ACVR1C: variants seen among roughly 807,000 people sequenced by gnomAD.
The protein encoded by ACVR1C is activin A receptor type 1C.
ACVR1C carries 23 observed loss-of-function variants against 57.9 expected under a neutral mutation model. The observed-to-expected ratio is 0.40, with a 90% CI of 0.29 to 0.56. ACVR1C has a LOEUF of 0.56. Ranked by LOEUF, ACVR1C falls within the 20% of genes least tolerant of loss-of-function variation. The probability of loss-of-function intolerance (pLI) is 0.50; values close to 1 mark genes in which losing one functional copy is unlikely to be tolerated. For missense variants in ACVR1C, 480 were observed against 607.9 expected, an observed-to-expected ratio of 0.79 and a Z score of 2.21; for synonymous variants, 214 against 215.3, an observed-to-expected ratio of 0.99 and a Z score of 0.05.
intron 2 of ACVR1C, among the ~76,000 whole-genome samples, chr2:157,566,711 C>T (rs952923734): frequency 2.0e-5 from 3 of 151,814 alleles, no homozygotes; most frequent in East Asian, 2.0e-4. Context: ...GAGGGTCCTA[C>T]GCCCAGGGAG....
At chr2:157,572,856 G>T (rs772657340) in intron 2 of ACVR1C, among the ~76,000 whole-genome samples, 1 of 152,132 alleles carries the variant, frequency 6.6e-6, no homozygotes, top group Non-Finnish European at 1.5e-5. Flanking sequence ...TGTCAGGTGT[G>T]CCCTGTGTCC....
At chr2:157,576,496 G>A (rs1688656171) in intron 2 of ACVR1C, among the ~76,000 whole-genome samples, 1 of 151,990 alleles carries the variant, frequency 6.6e-6, no homozygotes, top group South Asian at 2.1e-4. Context: ...GAGCCAATGT[G>A]CCCAGCCTGG....
chr2:157,542,569 G>A (rs1395292088), intron 6 of ACVR1C, 137 bp downstream of exon 6: 1 of 1,025,016 alleles, frequency 9.8e-7, no homozygotes, highest in Non-Finnish European at 1.4e-6. Context: ...ACTTCTCAGT[G>A]ACCCAGAGAA....
chr2:157,628,710 G>A lies in ACVR1C; in HGVS notation c.-66C>T. The A allele has an allele frequency of 1.4e-6, 2 of 1,379,634 alleles. No homozygotes were observed. Among genetic ancestry groups the A allele is most frequent in the Non-Finnish European group, 1.9e-6 (2 of 1,049,890 alleles). 85.5% of individuals were successfully genotyped at this position (1,379,634 alleles called of 1,614,324 possible). A position where few individuals can be genotyped will look rare whatever the true frequency, so the allele number is the denominator to read the frequency against. ...CAGAGCGAGGCAGCCGGGGCAGCAC[G>A]GCCCGCTTTGAAGTTCCCGGGCCGC... On this transcript the variant is annotated 5_prime_UTR_variant, in exon 1 of 9. Transcript: ENST00000243349.
chr2:157,566,725 C>G (rs370467514), intron 2 of ACVR1C, among the ~76,000 whole-genome samples: 1 of 151,624 alleles, frequency 6.6e-6, no homozygotes, highest in Non-Finnish European at 1.5e-5. Context: ...CAGGGAGTCT[C>G]GCTGATTGCT....
chr2:157,568,017 C>T (rs1207634202), intron 2 of ACVR1C, among the ~76,000 whole-genome samples: 1 of 148,906 alleles, frequency 6.7e-6, no homozygotes, highest in Admixed American at 6.8e-5. Context: ...CAGCGGATCT[C>T]TCGGCAGAAA....
chr2:157,611,777 G>A (rs1339794488), intron 1 of ACVR1C, among the ~76,000 whole-genome samples: 1 of 152,144 alleles, frequency 6.6e-6, no homozygotes, highest in Admixed American at 6.5e-5. Flanking sequence ...GATGCCAGAG[G>A]TGGTGAAATG....
chr2:157,556,040 CTTTTAAATAA>C (rs1688090696), intron 3 of ACVR1C, 43 bp downstream of exon 3: 2 of 1,547,396 alleles, frequency 1.3e-6, no homozygotes, highest in Non-Finnish European at 1.7e-6. Context: ...TTTTTATTTA[CTTTTAAATAA>C]AAGTGTTTTC....
chr2:157,551,443 A>T (rs2105218214), intron 3 of ACVR1C, among the ~76,000 whole-genome samples: 1 of 152,344 alleles, frequency 6.6e-6, no homozygotes, highest in South Asian at 2.1e-4. Context: ...AATAACATGA[A>T]AAAATACTTT....
intron 8 of ACVR1C, among the ~76,000 whole-genome samples, chr2:157,535,409 C>T (rs1363293922): frequency 1.3e-5 from 2 of 151,438 alleles, no homozygotes; most frequent in Non-Finnish European, 2.9e-5. Flanking sequence ...ACATTAGATG[C>T]TAGAATTAAA....
chr2:157,585,397 G>C (rs1688895003), intron 2 of ACVR1C, among the ~76,000 whole-genome samples: 1 of 152,128 alleles, frequency 6.6e-6, no homozygotes, highest in South Asian at 2.1e-4. Context: ...ACTGGTTACT[G>C]ATTAACTTAA....
At chr2:157,536,192 G>T (rs1687483235) in intron 8 of ACVR1C, among the ~76,000 whole-genome samples, 1 of 152,140 alleles carries the variant, frequency 6.6e-6, no homozygotes, top group African/African-American at 2.4e-5. Flanking sequence ...GCTCTAACAT[G>T]CATCTAATGA....
chr2:157,615,515 C>T (rs1682625968), intron 1 of ACVR1C, among the ~76,000 whole-genome samples: 1 of 152,090 alleles, frequency 6.6e-6, no homozygotes, highest in East Asian at 1.9e-4. Context: ...GCTGGAACTA[C>T]AGGTGTGCAC....
chr2:157,597,583 G>T (rs891587417), intron 1 of ACVR1C: 22 of 985,346 alleles, frequency 2.2e-5, no homozygotes, highest in Non-Finnish European at 2.7e-5. Context: ...TTCTCCGACG[G>T]CTTCCCGGCG....
At chr2:157,574,841 T>A (rs1161383827) in intron 2 of ACVR1C, among the ~76,000 whole-genome samples, 1 of 152,228 alleles carries the variant, frequency 6.6e-6, no homozygotes, top group East Asian at 1.9e-4. Context: ...AGCTCCCTTG[T>A]TGCTGTCCTA....
At chr2:157,559,786 A>G (rs1339062417) in intron 2 of ACVR1C, among the ~76,000 whole-genome samples, 3 of 152,154 alleles carry the variant, frequency 2.0e-5, no homozygotes, top group Admixed American at 6.6e-5. Context: ...CTGGCTGACG[A>G]ATATTTCCCC....
rs1688444788 is a variant in ACVR1C, at chr2:157,568,180, C to T, written c.305-11848G>A. On this transcript the variant is annotated intron_variant, in intron 2 of 8. Coordinates refer to ENST00000243349, the MANE Select transcript of ACVR1C (RefSeq NM_145259.3). ...AAATGCTGAGAGATTTTGTCACCAC[C>T]AGGCCTGCCCTAAAAGAGCTCCTGA... Among the ~76,000 whole-genome samples, 6 of 72,276 alleles carry T rather than the reference C, an allele frequency of 8.3e-5. No homozygotes were observed. The South Asian group carries it at 3.8e-3, about 46-fold the overall frequency. 47.4% of individuals were successfully genotyped at this position (72,276 alleles called of 152,430 possible).
intron 8 of ACVR1C, among the ~76,000 whole-genome samples, chr2:157,537,684 A>C (rs1221386767): frequency 2.0e-5 from 3 of 152,208 alleles, no homozygotes. Flanking sequence ...ATTACATTAA[A>C]ATATGGCAAA....
At position 157,530,812 on chromosome 2, in the gene ACVR1C, G is replaced by T. The variant is rs1455398267; in HGVS notation, c.*3106C>A. 1.3e-5 allele frequency: 2 copies of T among 152,044 alleles called. No individual in the cohort carries two copies. Among genetic ancestry groups the T allele is most frequent in the Non-Finnish European group, 2.9e-5 (2 of 67,970 alleles). The allele number at this position is 152,044 out of a possible 1,614,324, so 9.4% of individuals were successfully genotyped here. ...CATGCCAAATATTTTAGACATAGAA[G>T]AAAGCATACAACAGAATCTGTACCA... On this transcript the variant is annotated 3_prime_UTR_variant, in exon 9 of 9. Transcript: ENST00000243349.
Sources: allele counts gnomAD v4.1 joint callset (sites outside exome capture counted in the v4.1 genomes callset), GRCh38; gene constraint gnomAD v4.1.1; transcripts MANE v1.5; gene names NCBI Gene and HGNC (gene_info 2026-07-23, HGNC 2026-07-21).